Variants in EEF1AKMT2 observed in about 807,000 individuals in gnomAD.
EEF1AKMT2 encodes EEF1A lysine methyltransferase 2, also known as eukaryotic translation elongation factor 1 alpha lysine methyltransferase 2.
EEF1AKMT2 carries 32 observed loss-of-function variants against 35.8 expected under a neutral mutation model. That is an observed-to-expected ratio of 0.89 (90% CI 0.67 to 1.20). The LOEUF (loss-of-function observed/expected upper bound fraction) is 1.20. Among genes scored for constraint, EEF1AKMT2 ranks in the 50% most tolerant of loss-of-function variants. The probability of loss-of-function intolerance (pLI) is 0.00; values close to 1 mark genes in which losing one functional copy is unlikely to be tolerated. For missense variants in EEF1AKMT2, 330 were observed against 347.5 expected (o/e 0.95, Z 0.40); for synonymous variants, 121 against 133.7 (o/e 0.91, Z 0.65).
At chr10:124,785,754 G>C (rs1950578683) in intron 3 of EEF1AKMT2, among the ~76,000 whole-genome samples, 1 of 152,008 alleles carries the variant, frequency 6.6e-6, no homozygotes, top group African/African-American at 2.4e-5. Flanking sequence ...AAATTAGCCA[G>C]GCGTGCTGGC....
intron 4 of EEF1AKMT2, among the ~76,000 whole-genome samples, chr10:124,772,027 T>C (rs1228441726): frequency 6.6e-6 from 1 of 152,216 alleles, no homozygotes; most frequent in Non-Finnish European, 1.5e-5. Context: ...TGTAAACAGA[T>C]GTGCCGTTAT....
chr10:124,788,007 G>A (rs763849751), intron 3 of EEF1AKMT2, among the ~76,000 whole-genome samples: 2 of 152,050 alleles, frequency 1.3e-5, no homozygotes, highest in African/African-American at 2.4e-5. Flanking sequence ...ATGCAAAATC[G>A]AAGGTCTTAA....
intron 1 of EEF1AKMT2, among the ~76,000 whole-genome samples, chr10:124,791,350 G>C (rs1950632722): frequency 6.6e-6 from 1 of 151,606 alleles, no homozygotes; most frequent in African/African-American, 2.4e-5. Flanking sequence ...TCGGCTCCCA[G>C]GCCCAGCACT....
chr10:124,780,409 C>A (rs1255841785), intron 3 of EEF1AKMT2, among the ~76,000 whole-genome samples: 2 of 152,006 alleles, frequency 1.3e-5, no homozygotes, highest in Admixed American at 1.3e-4. Flanking sequence ...AAAAATAAAT[C>A]GTAATGGTAA....
intron 3 of EEF1AKMT2, among the ~76,000 whole-genome samples, chr10:124,780,430 C>T (rs909310745): frequency 3.3e-5 from 5 of 152,124 alleles, no homozygotes; most frequent in Admixed American, 3.3e-4. Flanking sequence ...ATAAAGAAAT[C>T]ATGCAGTAAA....
At chr10:124,787,341 G>A (rs1000140343) in intron 3 of EEF1AKMT2, among the ~76,000 whole-genome samples, 1 of 145,810 alleles carries the variant, frequency 6.9e-6, no homozygotes. Flanking sequence ...GCTGAGGCAC[G>A]AGAACCACTT....
At chr10:124,776,156 C>T (rs1284345510) in intron 3 of EEF1AKMT2, among the ~76,000 whole-genome samples, 1 of 151,984 alleles carries the variant, frequency 6.6e-6, no homozygotes, top group Non-Finnish European at 1.5e-5. Flanking sequence ...CTCCTGACCT[C>T]GTGATCCGCC....
At chr10:124,789,254 T>C (rs1443603385) in intron 2 of EEF1AKMT2, 97 bp from the exon 3 acceptor site, 1 of 737,040 alleles carries the variant, frequency 1.4e-6, no homozygotes, top group Non-Finnish European at 2.2e-6. Context: ...CAAACTCTTA[T>C]TTGAAAGTGA....
At chr10:124,768,168 G>A (rs1950396252) in intron 4 of EEF1AKMT2, among the ~76,000 whole-genome samples, 1 of 152,210 alleles carries the variant, frequency 6.6e-6, no homozygotes, top group African/African-American at 2.4e-5. Context: ...AAAAGCCAAT[G>A]TGACCGAGTA....
intron 3 of EEF1AKMT2, among the ~76,000 whole-genome samples, chr10:124,781,102 C>G (rs969855870): frequency 6.6e-6 from 1 of 151,920 alleles, no homozygotes; most frequent in Non-Finnish European, 1.5e-5. Context: ...CATGCCACCA[C>G]GCCCGGCTAA....
intron 3 of EEF1AKMT2, among the ~76,000 whole-genome samples, chr10:124,785,430 A>T (rs187534375): frequency 1.3e-4 from 20 of 152,240 alleles, no homozygotes; most frequent in African/African-American, 4.8e-4. Context: ...GCTCTTCAGA[A>T]GATACTGTTA....
chr10:124,761,943 G>A (rs544478572), intron 6 of EEF1AKMT2, among the ~76,000 whole-genome samples: 351 of 152,176 alleles, frequency 2.3e-3, no homozygotes, highest in Non-Finnish European at 3.8e-3. Context: ...TAAAATTAAA[G>A]TAAAATAAAA....
rs1047848518 is a variant in EEF1AKMT2, at chr10:124,759,696, A to G, written c.*807T>C. 2 of 152,218 alleles carry G rather than the reference A, an allele frequency of 1.3e-5. No individual in the cohort carries two copies. Among genetic ancestry groups the G allele is most frequent in the Non-Finnish European group, 2.9e-5 (2 of 68,042 alleles). The allele number at this position is 152,218 out of a possible 1,614,324, so 9.4% of individuals were successfully genotyped here. On this transcript the variant is annotated 3_prime_UTR_variant, in exon 7 of 7. Coordinates refer to ENST00000368836, the MANE Select transcript of EEF1AKMT2 (RefSeq NM_212554.4). ...ACGTAGAAACAAGAACAAGCAATACATACCTCAAGAAGACATTGAAAGGAC... is the reference window on the plus strand; with the variant it reads ...ACGTAGAAACAAGAACAAGCAATACGTACCTCAAGAAGACATTGAAAGGAC...
intron 3 of EEF1AKMT2, among the ~76,000 whole-genome samples, chr10:124,776,788 CTT>C (rs1950491124): frequency 6.6e-6 from 1 of 150,696 alleles, no homozygotes; most frequent in Non-Finnish European, 1.5e-5. Context: ...GAACAAGACT[CTT>C]GTCTCAAAAA....
At chr10:124,756,718 T>TA (rs1950289221), downstream of EEF1AKMT2, among the ~76,000 whole-genome samples, 1 of 152,228 alleles carries the variant, frequency 6.6e-6, no homozygotes, top group East Asian at 1.9e-4. Flanking sequence ...TTAGGCTTCT[T>TA]ACCCGTCGCT....
At chr10:124,768,313 A>G (rs1950397898) in intron 4 of EEF1AKMT2, among the ~76,000 whole-genome samples, 1 of 152,184 alleles carries the variant, frequency 6.6e-6, no homozygotes, top group African/African-American at 2.4e-5. Context: ...AGACATTTTT[A>G]AAAATCTGGC....
rs760700141 is a variant in EEF1AKMT2, at chr10:124,762,500, C to T, written c.675G>A (p.Ala225=). ...LTAALTSWAQ[A]IFSTSASRVG... ...CTCGGGAGGCTGAAGTGGAAAAGAT[C>T]GCTTGAGCCCAGGAAGTCAAGGCTG... is the stretch of plus-strand genomic sequence containing the variant. The change falls in exon 6 of 7, where the codon GCG becomes GCA. Residue 225 remains alanine, a synonymous_variant. Coordinates refer to ENST00000368836, the MANE Select transcript of EEF1AKMT2 (RefSeq NM_212554.4). 1.5e-4 allele frequency: 190 copies of T among 1,288,098 alleles called. No individual in the cohort carries two copies. The highest frequency in any genetic ancestry group is 1.8e-4 in the Non-Finnish European group (172 of 978,532). 79.8% of individuals were successfully genotyped at this position (1,288,098 alleles called of 1,614,324 possible).
At chr10:124,779,767 A>AAAAAG in intron 3 of EEF1AKMT2, among the ~76,000 whole-genome samples, 1 of 144,748 alleles carries the variant, frequency 6.9e-6, no homozygotes. Context: ...AAAAAAAAAA[A>AAAAAG]AAAGAAACAG....
rs1380198221 is a variant in EEF1AKMT2, at chr10:124,762,510, C to G, written c.665G>C (p.Trp222Ser). ...GFWLTAALTS[W>S]AQAIFSTSAS... ...TGAAGTGGAAAAGATCGCTTGAGCC[C>G]AGGAAGTCAAGGCTGCAGTGAGCCA... Residue 222 changes from tryptophan (W) to serine (S), a missense_variant, in exon 6 of 7, where the codon TGG becomes TCG. By Grantham distance (177) the Trp-to-Ser change is radical (BLOSUM62 -3). Coordinates refer to ENST00000368836, the MANE Select transcript of EEF1AKMT2 (RefSeq NM_212554.4). 1 of 1,285,552 alleles carries G rather than the reference C, an allele frequency of 7.8e-7. No individual in the cohort carries two copies. 79.6% of individuals were successfully genotyped at this position (1,285,552 alleles called of 1,614,324 possible).
Sources: gnomAD v4.1 joint callset for allele counts (sites outside exome capture counted in the v4.1 genomes callset) on GRCh38, gnomAD v4.1.1 for gene constraint, MANE v1.5 for transcripts, NCBI Gene and HGNC (gene_info 2026-07-23, HGNC 2026-07-21) for gene names.